The following ROBO1 variants were observed in gnomAD, a reference collection of about 807,000 sequenced individuals.
ROBO1 encodes roundabout homolog 1.
In ROBO1, 149 loss-of-function variants were observed where a neutral mutation model predicts 195.9. The observed-to-expected ratio is 0.76, with a 90% CI of 0.67 to 0.87. ROBO1 has a LOEUF of 0.87. Ranked by LOEUF, ROBO1 falls within the 40% of genes least tolerant of loss-of-function variation. ROBO1 has a pLI of 0.00. For synonymous variants in ROBO1, 816 were observed against 733.2 expected (o/e 1.11, Z -1.82); for missense variants, 1,933 against 2,068.3 (o/e 0.93, Z 1.27).
chr3:79,196,495 A>C (rs528676851), intron 2 of ROBO1, among the ~76,000 whole-genome samples: 3 of 151,864 alleles, frequency 2.0e-5, no homozygotes, highest in African/African-American at 7.2e-5. Context: ...AAATTAGTGC[A>C]GCTAACTATA....
intron 4 of ROBO1, among the ~76,000 whole-genome samples, chr3:78,772,656 G>A (rs1287978931): frequency 6.6e-6 from 1 of 151,936 alleles, no homozygotes; most frequent in Non-Finnish European, 1.5e-5. Flanking sequence ...CAATGAGACA[G>A]TAGACCCTAT....
intron 2 of ROBO1, among the ~76,000 whole-genome samples, chr3:79,473,379 T>A (rs1395366424): frequency 2.0e-5 from 3 of 152,136 alleles, no homozygotes; most frequent in Admixed American, 2.0e-4. Flanking sequence ...GAACCAACCT[T>A]ACCTATGGTT....
chr3:79,606,735 G>A (rs192165634), intron 1 of ROBO1, among the ~76,000 whole-genome samples: 1 of 144,852 alleles, frequency 6.9e-6, no homozygotes, highest in East Asian at 1.9e-4. Flanking sequence ...CTCTCTTATG[G>A]GCCACTTAGA....
At chr3:79,566,648 G>A (rs573051245) in intron 2 of ROBO1, among the ~76,000 whole-genome samples, 11 of 152,052 alleles carry the variant, frequency 7.2e-5, no homozygotes, top group Non-Finnish European at 1.2e-4. Context: ...CACAAACTCC[G>A]TCATGCAGGA....
At chr3:79,667,210 A>C (rs988566646) in intron 1 of ROBO1, among the ~76,000 whole-genome samples, 1 of 151,854 alleles carries the variant, frequency 6.6e-6, no homozygotes, top group Non-Finnish European at 1.5e-5. Flanking sequence ...ACATTTTAGA[A>C]AGTTTAAAAT....
intron 1 of ROBO1, among the ~76,000 whole-genome samples, chr3:79,757,410 A>G (rs777414456): frequency 1.3e-5 from 2 of 152,122 alleles, no homozygotes; most frequent in Non-Finnish European, 2.9e-5. Flanking sequence ...GACAGAGGAC[A>G]AAACAGCTCT....
intron 2 of ROBO1, among the ~76,000 whole-genome samples, chr3:79,129,502 A>G (rs1409406002): frequency 1.3e-5 from 2 of 152,154 alleles, no homozygotes; most frequent in East Asian, 1.9e-4. Context: ...ATATAATAAC[A>G]GCAACAACTA....
rs773539154 is a variant in ROBO1, at chr3:79,136,266, A to G, written c.89-10727T>C. Among the ~76,000 whole-genome samples, 19 of 152,168 alleles carry G rather than the reference A, an allele frequency of 1.2e-4. 1 individual carries two copies. Among genetic ancestry groups the G allele is most frequent in the Non-Finnish European group, 1.9e-4 (13 of 68,036 alleles). On this transcript the variant is annotated intron_variant, in intron 2 of 30. Coordinates refer to ENST00000464233, the MANE Select transcript of ROBO1 (RefSeq NM_002941.4). ...TTTTAATTTTTAAATTGGGTTTGCA[A>G]TCACAGCTCAAAACATTAGGGTTTC...
At chr3:79,257,079 C>T (rs1009241981) in intron 2 of ROBO1, among the ~76,000 whole-genome samples, 3 of 152,130 alleles carry the variant, frequency 2.0e-5, no homozygotes, top group African/African-American at 7.2e-5. Context: ...TATGGGATAA[C>T]TAACGGTGTC....
intron 2 of ROBO1, among the ~76,000 whole-genome samples, chr3:79,320,648 T>A (rs925382229): frequency 3.3e-5 from 5 of 152,174 alleles, no homozygotes; most frequent in Non-Finnish European, 7.3e-5. Flanking sequence ...TTTCAACATA[T>A]GAATGTTGGA....
chr3:79,022,244 CACTT>C lies in ROBO1; in HGVS notation c.173-83321_173-83318del, dbSNP rs993287426. Among the ~76,000 whole-genome samples, 34 of 152,168 alleles carry C rather than the reference CACTT, an allele frequency of 2.2e-4. 1 individual carries two copies. The highest frequency in any genetic ancestry group is 8.2e-4 in the African/African-American group (34 of 41,432). The stretch of plus-strand genomic sequence containing the variant: ...CCTTTTCCTCACTCGTGCAAATAAA[CACTT>C]AGTGAACATCATCTATGTGCAAGAA... On this transcript the variant is annotated intron_variant, in intron 3 of 30. Coordinates refer to ENST00000464233, the MANE Select transcript of ROBO1 (RefSeq NM_002941.4).
intron 3 of ROBO1, among the ~76,000 whole-genome samples, chr3:79,045,800 A>G (rs990118475): frequency 6.6e-6 from 1 of 152,158 alleles, no homozygotes; most frequent in African/African-American, 2.4e-5. Context: ...TTCTCCAAAT[A>G]ATTCTTAGTC....
chr3:78,737,285 A>G (rs1057120742), intron 5 of ROBO1, among the ~76,000 whole-genome samples: 1 of 152,166 alleles, frequency 6.6e-6, no homozygotes, highest in Admixed American at 6.6e-5. Context: ...ACATACATTT[A>G]TATCATCTTC....
intron 8 of ROBO1, among the ~76,000 whole-genome samples, chr3:78,711,325 CTCCTTCCT>C (rs147537177): frequency 1.9e-5 from 2 of 104,828 alleles, no homozygotes; most frequent in South Asian, 3.5e-4. Flanking sequence ...CTCTCTCTCT[CTCCTTCCT>C]TCCTTCCTTC....
chr3:78,718,412 C>T (rs1417689116), intron 5 of ROBO1, among the ~76,000 whole-genome samples: 1 of 152,026 alleles, frequency 6.6e-6, no homozygotes, highest in Non-Finnish European at 1.5e-5. Flanking sequence ...ATAGTAGAAC[C>T]TGTTATTTCC....
chr3:79,182,212 A>C (rs1422119782), intron 2 of ROBO1, among the ~76,000 whole-genome samples: 1 of 152,158 alleles, frequency 6.6e-6, no homozygotes, highest in Non-Finnish European at 1.5e-5. Flanking sequence ...GCTCTTTAGC[A>C]TCTATAGCTC....
chr3:79,566,988 G>T (rs1431474970), intron 2 of ROBO1, among the ~76,000 whole-genome samples: 3 of 152,088 alleles, frequency 2.0e-5, no homozygotes, highest in African/African-American at 7.2e-5. Context: ...CAGTAGCAAA[G>T]ACATGGAATC....
intron 2 of ROBO1, among the ~76,000 whole-genome samples, chr3:79,265,246 T>C (rs1039128054): frequency 9.2e-5 from 14 of 151,854 alleles, no homozygotes; most frequent in African/African-American, 2.9e-4. Flanking sequence ...AGTATCTCTA[T>C]GTTCTTTTGG....
rs2076811257 is a variant in ROBO1, at chr3:78,973,365, ATCT to A, written c.173-34441_173-34439del. ...CCCCTTTGTACTGAAAAAAAGACCT[ATCT>A]TCTTATCTATGACTAATACTCAATT... On this transcript the variant is annotated intron_variant, in intron 3 of 30. Transcript: ENST00000464233. Among the ~76,000 whole-genome samples, 7 of 150,024 alleles carry A rather than the reference ATCT, an allele frequency of 4.7e-5. No homozygotes were observed. In the South Asian group the frequency reaches 1.5e-3, roughly 32 times the overall value.
Sources: allele counts gnomAD v4.1 joint callset (sites outside exome capture counted in the v4.1 genomes callset), GRCh38; gene constraint gnomAD v4.1.1; transcripts MANE v1.5; gene names NCBI Gene and HGNC (gene_info 2026-07-23, HGNC 2026-07-21).